The following OLFM3 variants were observed in gnomAD, a reference collection of about 807,000 sequenced individuals.
OLFM3 encodes olfactomedin 3, also known as noelin-3.
A neutral mutation model predicts 48.6 loss-of-function variants in OLFM3; 20 were observed. That is an observed-to-expected ratio of 0.41 (90% CI 0.29 to 0.60). The LOEUF (loss-of-function observed/expected upper bound fraction) is 0.60, where lower values mean the gene tolerates loss of function less well. Ranked by LOEUF, OLFM3 falls within the 20% of genes least tolerant of loss-of-function variation. OLFM3 has a pLI of 0.28. For synonymous variants in OLFM3, 222 were observed against 198.1 expected, an observed-to-expected ratio of 1.12 and a Z score of -1.01; for missense variants, 437 against 544.3, an observed-to-expected ratio of 0.80 and a Z score of 1.96.
At chr1:101,929,793 C>CAGTAATCA (rs1444458777) in intron 1 of OLFM3, among the ~76,000 whole-genome samples, 2 of 151,934 alleles carry the variant, frequency 1.3e-5, no homozygotes, top group African/African-American at 4.8e-5. Context: ...TAAATAATCC[C>CAGTAATCA]AGTAATGTTT....
At chr1:101,814,965 CAGA>C (rs1266872877) in intron 4 of OLFM3, among the ~76,000 whole-genome samples, 3 of 152,092 alleles carry the variant, frequency 2.0e-5, no homozygotes, top group African/African-American at 7.2e-5. Context: ...ACACTTGGAA[CAGA>C]AGAAGACGAG....
At chr1:101,966,083 TCTG>T (rs1000758768) in intron 1 of OLFM3, among the ~76,000 whole-genome samples, 1 of 152,226 alleles carries the variant, frequency 6.6e-6, no homozygotes, top group East Asian at 1.9e-4. Context: ...GTTGTTCTCT[TCTG>T]CTATTAGCCC....
chr1:101,874,513 C>G (rs1205923152), intron 1 of OLFM3, among the ~76,000 whole-genome samples: 1 of 141,458 alleles, frequency 7.1e-6, no homozygotes, highest in Non-Finnish European at 1.6e-5. Context: ...ATAATAGTAA[C>G]AGCAGTGACA....
chr1:101,873,338 A>G (rs1302917148), intron 1 of OLFM3, among the ~76,000 whole-genome samples: 2 of 151,972 alleles, frequency 1.3e-5, no homozygotes, highest in African/African-American at 4.8e-5. Context: ...GCTGTTTTAT[A>G]TATCACAATT....
chr1:101,893,250 GAAA>G, intron 1 of OLFM3: 3 of 274,104 alleles, frequency 1.1e-5, no homozygotes, highest in Admixed American at 8.1e-5. Context: ...CAGAGGTGGG[GAAA>G]AAAAAAAGGA....
intron 1 of OLFM3, among the ~76,000 whole-genome samples, chr1:101,947,374 A>G (rs1659993957): frequency 6.6e-6 from 1 of 152,218 alleles, no homozygotes; most frequent in African/African-American, 2.4e-5. Context: ...TTATAGTTGA[A>G]GAGTATATAC....
intron 1 of OLFM3, among the ~76,000 whole-genome samples, chr1:101,922,186 T>C (rs1041673016): frequency 1.3e-5 from 2 of 152,236 alleles, no homozygotes; most frequent in African/African-American, 4.8e-5. Context: ...GGAAAGTTAC[T>C]TAGTGCTTTT....
intron 3 of OLFM3, among the ~76,000 whole-genome samples, chr1:101,825,833 CT>C (rs1220143854): frequency 2.6e-5 from 4 of 152,122 alleles, no homozygotes; most frequent in Non-Finnish European, 5.9e-5. Flanking sequence ...ATTCCTTGAA[CT>C]TTTAAATATC....
chr1:101,938,223 GCTTT>G (rs1659682301), intron 1 of OLFM3, among the ~76,000 whole-genome samples: 1 of 152,094 alleles, frequency 6.6e-6, no homozygotes, highest in South Asian at 2.1e-4. Flanking sequence ...CCACTATTGT[GCTTT>G]CTATTTCGCT....
chr1:101,922,188 A>G (rs12127130), intron 1 of OLFM3, among the ~76,000 whole-genome samples: 2 of 151,998 alleles, frequency 1.3e-5, no homozygotes, highest in Non-Finnish European at 2.9e-5. Context: ...AAAGTTACTT[A>G]GTGCTTTTGT....
At chr1:101,936,745 G>T (rs1364112484) in intron 1 of OLFM3, among the ~76,000 whole-genome samples, 1 of 152,046 alleles carries the variant, frequency 6.6e-6, no homozygotes, top group Non-Finnish European at 1.5e-5. Context: ...GCATGGTACT[G>T]GTACAAAATC....
intron 1 of OLFM3, among the ~76,000 whole-genome samples, chr1:101,945,648 G>T (rs765693460): frequency 1.8e-4 from 27 of 151,230 alleles, no homozygotes; most frequent in Non-Finnish European, 3.4e-4. Context: ...AATTTTTTTT[G>T]AAATAAAAAT....
chr1:101,859,262 A>C (rs1479737916), intron 1 of OLFM3, among the ~76,000 whole-genome samples: 2 of 152,138 alleles, frequency 1.3e-5, no homozygotes, highest in African/African-American at 4.8e-5. Flanking sequence ...GATGATACCA[A>C]ACCAGTTTGT....
intron 1 of OLFM3, among the ~76,000 whole-genome samples, chr1:101,896,342 A>G (rs966445935): frequency 1.1e-4 from 17 of 152,122 alleles, no homozygotes; most frequent in African/African-American, 4.1e-4. Flanking sequence ...GTTATTATGC[A>G]CATTTGCCAT....
chr1:101,835,371 G>A (rs1424363929), intron 2 of OLFM3, among the ~76,000 whole-genome samples: 1 of 152,224 alleles, frequency 6.6e-6, no homozygotes, highest in African/African-American at 2.4e-5. Flanking sequence ...CTGGAGTGCA[G>A]TGGTGAGTTC....
intron 4 of OLFM3, among the ~76,000 whole-genome samples, chr1:101,815,105 T>C (rs1654265340): frequency 6.6e-6 from 1 of 152,138 alleles, no homozygotes; most frequent in East Asian, 1.9e-4. Flanking sequence ...AATGACAGAA[T>C]GTAAGCTGCA....
intron 1 of OLFM3, among the ~76,000 whole-genome samples, chr1:101,917,884 T>C (rs1055357811): frequency 2.0e-5 from 3 of 152,220 alleles, no homozygotes; most frequent in Admixed American, 6.5e-5. Context: ...TGTTCAGCCA[T>C]TACAGTGGTA....
chr1:101,875,271 T>C (rs945846446), intron 1 of OLFM3, among the ~76,000 whole-genome samples: 2 of 152,028 alleles, frequency 1.3e-5, no homozygotes, highest in Admixed American at 6.6e-5. Flanking sequence ...ACTGTGATGG[T>C]GGATATATGT....
intron 1 of OLFM3, among the ~76,000 whole-genome samples, chr1:101,870,297 T>A (rs1055277582): frequency 6.6e-6 from 1 of 152,156 alleles, no homozygotes; most frequent in Non-Finnish European, 1.5e-5. Context: ...TTTCCATAAT[T>A]CATCAATAAC....
Sources: gnomAD v4.1 joint callset for allele counts (sites outside exome capture counted in the v4.1 genomes callset) on GRCh38, gnomAD v4.1.1 for gene constraint, MANE v1.5 for transcripts, NCBI Gene and HGNC (gene_info 2026-07-23, HGNC 2026-07-21) for gene names.